The following PKIB variants were observed in gnomAD, a reference collection of about 807,000 sequenced individuals.
PKIB encodes the protein cAMP-dependent protein kinase inhibitor beta, also known as PKI-beta.
In PKIB, 2 loss-of-function variants were observed where a neutral mutation model predicts 4.5. The ratio of observed to expected loss-of-function variants is 0.44; its 90% CI spans 0.18 to 1.39. PKIB has a LOEUF of 1.39. Ranked by LOEUF, PKIB falls within the 40% of genes most tolerant of loss-of-function variation. PKIB has a pLI of 0.27. For missense variants in PKIB, 94 were observed against 92.6 expected (o/e 1.02, Z -0.06); for synonymous variants, 38 against 36.0 (o/e 1.06, Z -0.20).
At position 122,484,896 on chromosome 6, in the gene PKIB, G is replaced by A. The variant is rs189004116; in HGVS notation, c.-248+6957G>A. The stretch of plus-strand genomic sequence containing the variant: ...TTGAAAACCTAACTTAGGAGTATGC[G>A]CCAGAAACAATAGATGAGTTTTGGC... On this transcript the variant is annotated intron_variant, in intron 2 of 6. Coordinates refer to the PKIB transcript ENST00000392491. Among the ~76,000 whole-genome samples, 4 of 152,276 alleles carry A rather than the reference G, an allele frequency of 2.6e-5. No homozygotes were observed. The East Asian group carries it at 7.7e-4, about 29-fold the overall frequency.
rs111392518 is a variant in PKIB at position 122,596,301 on chromosome 6, A to G, written c.-161+10294A>G. Among the ~76,000 whole-genome samples the G allele has an allele frequency of 5.1e-3, 773 of 152,166 alleles. 11 individuals carry two copies. Among genetic ancestry groups the G allele is most frequent in the African/African-American group, 0.017 (726 of 41,508 alleles). ...GCCCTAGTCTTCTCTTCCTCTGTCA[A>G]CTGATCATAGGGAACTCCCCATGAG... On this transcript the variant is annotated intron_variant, in intron 3 of 6. Transcript: ENST00000392491.
At chr6:122,479,187 T>C (rs9375140) in intron 2 of PKIB, 18,743 of 152,128 alleles carry the variant, frequency 0.12, 1,316 homozygotes, top group East Asian at 0.21. Context: ...GCTGTTCCTA[T>C]TGGGCCATCT....
chr6:122,607,307 C>G (rs1176592809), upstream of PKIB, among the ~76,000 whole-genome samples: 1 of 151,414 alleles, frequency 6.6e-6, no homozygotes, highest in Non-Finnish European at 1.5e-5. Context: ...AACCCCGTCT[C>G]TACAAAAAAA....
chr6:122,663,635 C>A (rs1336238559), intron 2 of PKIB, among the ~76,000 whole-genome samples: 1 of 152,160 alleles, frequency 6.6e-6, no homozygotes, highest in Non-Finnish European at 1.5e-5. Flanking sequence ...TGTGTCCCTC[C>A]TATTTCTTCA....
intron 3 of PKIB, among the ~76,000 whole-genome samples, chr6:122,590,229 A>T (rs373064906): frequency 6.6e-6 from 1 of 152,206 alleles, no homozygotes; most frequent in African/African-American, 2.4e-5. Flanking sequence ...GAAGAGCTTC[A>T]TGAATAGCTA....
At chr6:122,504,946 G>A (rs1776351868) in intron 2 of PKIB, among the ~76,000 whole-genome samples, 1 of 152,152 alleles carries the variant, frequency 6.6e-6, no homozygotes, top group Non-Finnish European at 1.5e-5. Context: ...GTGGGAGTCA[G>A]GGGGCCAGTT....
At position 122,725,256 on chromosome 6, in the gene PKIB, T is replaced by C; in HGVS notation, c.*61T>C. ...ATGTTGAAAGACTTAGTGGTTCTGT[T>C]TTCTTGAGACATTTAATCTGGTGGT... On this transcript the variant is annotated 3_prime_UTR_variant, in exon 5 of 5. Coordinates refer to ENST00000368452, the MANE Select transcript of PKIB (RefSeq NM_181795.3). 1 of 1,378,724 alleles carries C rather than the reference T, an allele frequency of 7.3e-7. No homozygotes were observed. The highest frequency in any genetic ancestry group is 1.0e-6 in the Non-Finnish European group (1 of 988,940). The allele number at this position is 1,378,724 out of a possible 1,614,324, so 85.4% of individuals were successfully genotyped here.
In PKIB at chr6:122,629,892, C is replaced by T. The variant is rs115511347; in HGVS notation, c.-160-3391C>T. ...GGAAACATTATGACTACACGTAATG[C>T]GGTATCCTAAATGACACTCTGAAAT... On this transcript the variant is annotated intron_variant, in intron 1 of 4. Coordinates refer to ENST00000368452, the MANE Select transcript of PKIB (RefSeq NM_181795.3). Among the ~76,000 whole-genome samples the T allele has an allele frequency of 6.6e-4, 101 of 152,176 alleles. No homozygotes were observed. In the East Asian group the frequency reaches 0.018, roughly 27 times the overall value.
chr6:122,663,888 G>A (rs190178770), intron 2 of PKIB, among the ~76,000 whole-genome samples: 1 of 152,332 alleles, frequency 6.6e-6, no homozygotes, highest in East Asian at 1.9e-4. Context: ...TGGGGCTGAA[G>A]TGTGATTGTT....
intron 1 of PKIB, among the ~76,000 whole-genome samples, chr6:122,614,912 T>C (rs1224380361): frequency 6.6e-6 from 1 of 152,154 alleles, no homozygotes; most frequent in African/African-American, 2.4e-5. Flanking sequence ...ACCATGGAGC[T>C]TCTGGAGCCA....
At chr6:122,698,653 C>G (rs1030107114) in intron 3 of PKIB, among the ~76,000 whole-genome samples, 3 of 152,178 alleles carry the variant, frequency 2.0e-5, no homozygotes, top group Non-Finnish European at 2.9e-5. Context: ...CCTCTGAGGG[C>G]ACTAACTGGA....
chr6:122,709,845 G>C (rs1252109983), intron 3 of PKIB, among the ~76,000 whole-genome samples: 1 of 152,140 alleles, frequency 6.6e-6, no homozygotes, highest in East Asian at 1.9e-4. Context: ...GGGTCGTACT[G>C]TATGAGTTTT....
At chr6:122,681,494 C>T (rs1318842718) in intron 3 of PKIB, among the ~76,000 whole-genome samples, 2 of 152,030 alleles carry the variant, frequency 1.3e-5, no homozygotes, top group African/African-American at 2.4e-5. Context: ...TAACATTTCC[C>T]CTGGTATTAT....
chr6:122,592,478 T>C (rs1774047753), intron 3 of PKIB, among the ~76,000 whole-genome samples: 1 of 152,160 alleles, frequency 6.6e-6, no homozygotes, highest in Admixed American at 6.6e-5. Context: ...TTAAATATCG[T>C]CTAGCAATAT....
intron 3 of PKIB, among the ~76,000 whole-genome samples, chr6:122,706,833 CA>C (rs1779077256): frequency 2.0e-5 from 3 of 151,980 alleles, no homozygotes; most frequent in South Asian, 4.2e-4. Context: ...AAATAGAAAT[CA>C]TTAATAATAA....
intron 2 of PKIB, among the ~76,000 whole-genome samples, chr6:122,527,049 G>C (rs1199189713): frequency 6.6e-6 from 1 of 152,120 alleles, no homozygotes; most frequent in Non-Finnish European, 1.5e-5. Flanking sequence ...TTATGTTATG[G>C]AGTTAATTTC....
chr6:122,720,633 C>G (rs995632837), intron 4 of PKIB, among the ~76,000 whole-genome samples: 2 of 151,690 alleles, frequency 1.3e-5, no homozygotes, highest in East Asian at 3.9e-4. Flanking sequence ...GTCAATGAAG[C>G]GATTTGATAT....
chr6:122,499,727 A>G (rs1251818054), intron 2 of PKIB, among the ~76,000 whole-genome samples: 2 of 152,212 alleles, frequency 1.3e-5, no homozygotes, highest in Non-Finnish European at 2.9e-5. Flanking sequence ...AGGGAAGAGA[A>G]TGAAATAAAA....
intron 4 of PKIB, among the ~76,000 whole-genome samples, chr6:122,721,831 T>C (rs1779757494): frequency 6.6e-6 from 1 of 151,932 alleles, no homozygotes; most frequent in Non-Finnish European, 1.5e-5. Flanking sequence ...GAGAAATGTT[T>C]TTCCAAGCTA....
Sources: allele counts gnomAD v4.1 joint callset (sites outside exome capture counted in the v4.1 genomes callset), GRCh38; gene constraint gnomAD v4.1.1; transcripts MANE v1.5; gene names NCBI Gene and HGNC (gene_info 2026-07-23, HGNC 2026-07-21).